SYNDIG1L: variants seen among roughly 807,000 people sequenced by gnomAD.
SYNDIG1L encodes the protein synapse differentiation-inducing gene protein 1-like.
Under a neutral mutation model 20.1 loss-of-function variants are expected in SYNDIG1L, and 13 were observed. The observed-to-expected ratio is 0.65, with a 90% CI of 0.42 to 1.03. SYNDIG1L has a LOEUF of 1.03. Ranked by LOEUF, SYNDIG1L falls within the 50% of genes least tolerant of loss-of-function variation. The probability of loss-of-function intolerance (pLI) is 0.00; values close to 1 mark genes in which losing one functional copy is unlikely to be tolerated. For synonymous variants in SYNDIG1L, 128 were observed against 129.3 expected, an observed-to-expected ratio of 0.99 and a Z score of 0.07; for missense variants, 294 against 305.1, an observed-to-expected ratio of 0.96 and a Z score of 0.27.
chr14:74,448,362 A>G, the SYNDIG1L span, among the ~76,000 whole-genome samples: 2 of 152,200 alleles, frequency 1.3e-5, no homozygotes, highest in African/African-American at 4.8e-5. Context: ...GCTGAAATCT[A>G]TCAAGCAGAT....
At chr14:74,463,875 A>G in the SYNDIG1L span, among the ~76,000 whole-genome samples, 4 of 152,222 alleles carry the variant, frequency 2.6e-5, no homozygotes, top group Non-Finnish European at 4.4e-5. Flanking sequence ...CCTGCTTTAG[A>G]AAGTAGGCTA....
chr14:74,446,650 A>G, the SYNDIG1L span, among the ~76,000 whole-genome samples: 220 of 144,038 alleles, frequency 1.5e-3, no homozygotes, highest in African/African-American at 5.5e-3. Flanking sequence ...ATGGAGTCTC[A>G]TTCTTTCCCA....
intron 1 of SYNDIG1L, among the ~76,000 whole-genome samples, chr14:74,419,231 G>A (rs138174758): frequency 9.2e-5 from 14 of 152,260 alleles, no homozygotes; most frequent in Admixed American, 8.5e-4. Flanking sequence ...CATGCTCCTT[G>A]CCTCAAAGTG....
In SYNDIG1L at chr14:74,408,295, G is replaced by A. The variant is rs141663688; in HGVS notation, c.418-306C>T. Among the ~76,000 whole-genome samples the A allele has an allele frequency of 4.8e-3, 736 of 152,274 alleles. 9 individuals carry two copies. Among genetic ancestry groups the A allele is most frequent in the African/African-American group, 0.017 (699 of 41,560 alleles). ...ACACTCTCAATGGGCCAGTCACAGC[G>A]GCTCACACCTGTACTCACAGCACTT... On this transcript the variant is annotated intron_variant, in intron 2 of 3. Transcript: ENST00000331628.
chr14:74,412,337 AC>A (rs923370837), intron 1 of SYNDIG1L, among the ~76,000 whole-genome samples: 1 of 152,062 alleles, frequency 6.6e-6, no homozygotes, highest in African/African-American at 2.4e-5. Context: ...AGTGGATGTG[AC>A]CGTAGGTGTG....
chr14:74,458,537 G>A, the SYNDIG1L span, among the ~76,000 whole-genome samples: 1 of 149,742 alleles, frequency 6.7e-6, no homozygotes, highest in Non-Finnish European at 1.5e-5. Context: ...CAGAAGAATC[G>A]CTTGAACCCA....
the SYNDIG1L span, among the ~76,000 whole-genome samples, chr14:74,463,249 C>T: frequency 6.6e-6 from 1 of 152,222 alleles, no homozygotes; most frequent in African/African-American, 2.4e-5. Flanking sequence ...AACACTTCTT[C>T]CTTGGCTCCT....
At position 74,421,800 on chromosome 14, in the gene SYNDIG1L, G is replaced by A. The variant is rs371373921; in HGVS notation, c.-58+4112C>T. ...GAAAAGGAGAGGAGAAAGCTGATGGGGGAACCTGGGAAAGACAGATAAAAC... is the reference window on the plus strand; with the variant it reads ...GAAAAGGAGAGGAGAAAGCTGATGGAGGAACCTGGGAAAGACAGATAAAAC... On this transcript the variant is annotated intron_variant, in intron 1 of 3. Coordinates refer to ENST00000331628, the MANE Select transcript of SYNDIG1L (RefSeq NM_001105579.2). Among the ~76,000 whole-genome samples the A allele has an allele frequency of 2.6e-5, 4 of 152,154 alleles. No homozygotes were observed. In the East Asian group the frequency reaches 7.7e-4, roughly 29 times the overall value.
chr14:74,479,609 G>C, the SYNDIG1L span: 1 of 154,274 alleles, frequency 6.5e-6, no homozygotes, highest in Admixed American at 6.4e-5. Flanking sequence ...AGATCACCAT[G>C]CCTCATCCTA....
chr14:74,445,986 G>A, the SYNDIG1L span, among the ~76,000 whole-genome samples: 1 of 152,096 alleles, frequency 6.6e-6, no homozygotes, highest in East Asian at 1.9e-4. Context: ...GAAAATTGAG[G>A]CACAGAGAGA....
chr14:74,477,426 T>C, the SYNDIG1L span, among the ~76,000 whole-genome samples: 1 of 152,132 alleles, frequency 6.6e-6, no homozygotes, highest in African/African-American at 2.4e-5. Flanking sequence ...ACTCTTCCTA[T>C]GTCTGGAGGG....
rs748224776 is a variant in SYNDIG1L at position 74,409,502 on chromosome 14, C to A, written c.243G>T (p.Glu81Asp). 12 of 1,610,114 alleles carry A rather than the reference C, an allele frequency of 7.5e-6. 1 individual carries two copies. Among genetic ancestry groups the A allele is most frequent in the East Asian group, 6.7e-5 (3 of 44,800 alleles). ...TTGTCTCACAGCTGCCTGCCCTGGGCTCCTTGACCTTGTCTCTCCCCAGGA... is the reference window on the plus strand; with the variant it reads ...TTGTCTCACAGCTGCCTGCCCTGGGATCCTTGACCTTGTCTCTCCCCAGGA... ...SCLLGRDKVK[E>D]PRAGSCETSF... The change falls in exon 2 of 4, where the codon GAG becomes GAT. Residue 81 changes from glutamate (E) to aspartate (D), a missense_variant. Coordinates refer to ENST00000331628, the MANE Select transcript of SYNDIG1L (RefSeq NM_001105579.2).
the SYNDIG1L span, among the ~76,000 whole-genome samples, chr14:74,440,137 T>G: frequency 6.6e-6 from 1 of 151,984 alleles, no homozygotes; most frequent in East Asian, 1.9e-4. Flanking sequence ...CCCAGCACTT[T>G]GGGAGGCCGA....
chr14:74,414,571 T>C (rs989051038), intron 1 of SYNDIG1L, among the ~76,000 whole-genome samples: 3 of 152,206 alleles, frequency 2.0e-5, no homozygotes, highest in Admixed American at 6.5e-5. Flanking sequence ...TCCAATTGCA[T>C]TGGAGTCCAA....
chr14:74,460,795 C>T, the SYNDIG1L span, among the ~76,000 whole-genome samples: 1 of 152,160 alleles, frequency 6.6e-6, no homozygotes, highest in African/African-American at 2.4e-5. Context: ...TCACAGGTGC[C>T]GGCCAACAAT....
chr14:74,468,177 TC>T, the SYNDIG1L span, among the ~76,000 whole-genome samples: 3 of 152,076 alleles, frequency 2.0e-5, no homozygotes, highest in Admixed American at 2.0e-4. Flanking sequence ...CTCCATTTCC[TC>T]CCTTGTCAGA....
chr14:74,449,302 T>C, the SYNDIG1L span, among the ~76,000 whole-genome samples: 1 of 149,534 alleles, frequency 6.7e-6, no homozygotes, highest in South Asian at 2.1e-4. Context: ...ATAAAACACA[T>C]CAAAAGTTGT....
At chr14:74,419,468 T>C (rs1011584329) in intron 1 of SYNDIG1L, among the ~76,000 whole-genome samples, 2 of 152,190 alleles carry the variant, frequency 1.3e-5, no homozygotes, top group Non-Finnish European at 2.9e-5. Flanking sequence ...GAAAGTACTT[T>C]CCAGGATTTG....
the SYNDIG1L span, among the ~76,000 whole-genome samples, chr14:74,464,701 C>T: frequency 6.0e-4 from 92 of 152,196 alleles, no homozygotes; most frequent in Middle Eastern, 3.4e-3. Flanking sequence ...CTGGTTAGCA[C>T]GTAACAATCC....
Sources: allele counts gnomAD v4.1 joint callset (sites outside exome capture counted in the v4.1 genomes callset), GRCh38; gene constraint gnomAD v4.1.1; transcripts MANE v1.5; gene names NCBI Gene and HGNC (gene_info 2026-07-23, HGNC 2026-07-21).